Variants in PIEZO1 observed in about 807,000 individuals in gnomAD.
The protein encoded by PIEZO1 is piezo-type mechanosensitive ion channel component 1.
A neutral mutation model predicts 297.2 loss-of-function variants in PIEZO1; 296 were observed. The ratio of observed to expected loss-of-function variants is 1.00; its 90% confidence interval spans 0.91 to 1.10. The LOEUF is 1.10. PIEZO1 is among the 50% of genes least tolerant of loss of function. PIEZO1 has a pLI of 0.00. For synonymous variants in PIEZO1, 2,427 were observed against 1,507.5 expected (o/e 1.61, Z -14.13); for missense variants, 5,018 against 3,455.5 (o/e 1.45, Z -11.34).
chr16:88,725,686 T>G lies in PIEZO1; in HGVS notation c.3969-2A>C. On this transcript the variant is annotated splice_acceptor_variant, in intron 27 of 50. Transcript: ENST00000301015. LOFTEE classifies it high-confidence loss of function. Reference sequence around the variant, plus strand: ...GCAGCGTTGTAGAGGGCGAAGCCCCTGTAGGGAGGCGGGGATGGGGTGTGA... The same window carrying G: ...GCAGCGTTGTAGAGGGCGAAGCCCCGGTAGGGAGGCGGGGATGGGGTGTGA... The G allele has an allele frequency of 1.3e-6, 2 of 1,509,964 alleles. No homozygotes were observed. Among genetic ancestry groups the G allele is most frequent in the Non-Finnish European group, 1.8e-6 (2 of 1,110,360 alleles). The allele number at this position is 1,509,964 out of a possible 1,614,324, so 93.5% of individuals were successfully genotyped here. A position where few individuals can be genotyped will look rare whatever the true frequency, so the allele number is the denominator to read the frequency against.
At chr16:88,731,418 G>A (rs951702442) in intron 22 of PIEZO1, 5 of 450,944 alleles carry the variant, frequency 1.1e-5, no homozygotes, top group African/African-American at 2.0e-5. Flanking sequence ...AGGACGCAGT[G>A]CTCCTTGTGT....
At chr16:88,756,959 C>G (rs1021031050) in intron 1 of PIEZO1, among the ~76,000 whole-genome samples, 2 of 151,960 alleles carry the variant, frequency 1.3e-5, no homozygotes, top group Non-Finnish European at 2.9e-5. Flanking sequence ...ACCTGTAGTC[C>G]CAGCTACTTG....
In PIEZO1 at chr16:88,736,667, C is replaced by T. The variant is rs1036894620; in HGVS notation, c.1268G>A (p.Ser423Asn). The change falls in exon 11 of 51, where the codon AGC (serine) becomes AAC (asparagine). Residue 423 changes from serine to asparagine, a missense_variant. Physicochemically the swap from Ser to Asn is conservative, Grantham distance 46 (BLOSUM62 1). Coordinates refer to ENST00000301015, the MANE Select transcript of PIEZO1 (RefSeq NM_001142864.4). ...HSLGHLIMDQ[S>N]YVCALIAMMV... is the part of the protein sequence containing the mutation. ...CATGGCAATGAGCGCGCACACATAGCTCTGGTCCATGATGAGGTGGCCCAG... is the reference window on the plus strand; with the variant it reads ...CATGGCAATGAGCGCGCACACATAGTTCTGGTCCATGATGAGGTGGCCCAG... 4 of 1,533,118 alleles carry T rather than the reference C, an allele frequency of 2.6e-6. No homozygotes were observed. Among genetic ancestry groups the T allele is most frequent in the Non-Finnish European group, 3.5e-6 (4 of 1,145,960 alleles). 95.0% of individuals were successfully genotyped at this position (1,533,118 alleles called of 1,614,324 possible).
intron 2 of PIEZO1, among the ~76,000 whole-genome samples, chr16:88,748,079 C>T (rs978335789): frequency 2.6e-5 from 4 of 152,338 alleles, no homozygotes; most frequent in Admixed American, 2.6e-4. Context: ...CACAGTCACG[C>T]CCCCTGGTCC....
chr16:88,765,380 G>T (rs547772665), intron 1 of PIEZO1, among the ~76,000 whole-genome samples: 1 of 152,332 alleles, frequency 6.6e-6, no homozygotes, highest in African/African-American at 2.4e-5. Context: ...GAATCTCAGG[G>T]CAGGTGTCCA....
intron 1 of PIEZO1, among the ~76,000 whole-genome samples, chr16:88,753,820 C>T (rs1019073654): frequency 2.0e-5 from 3 of 152,240 alleles, no homozygotes; most frequent in African/African-American, 7.2e-5. Flanking sequence ...GAGGAGACGG[C>T]ATTGCTTTTG....
chr16:88,724,294 G>C (rs1904309758), intron 30 of PIEZO1, among the ~76,000 whole-genome samples: 1 of 152,268 alleles, frequency 6.6e-6, no homozygotes, highest in Non-Finnish European at 1.5e-5. Context: ...ACTGTGGGAG[G>C]CTGAGGCGGG....
At chr16:88,758,222 C>T (rs1363553671) in intron 1 of PIEZO1, among the ~76,000 whole-genome samples, 4 of 152,160 alleles carry the variant, frequency 2.6e-5, no homozygotes, top group Non-Finnish European at 4.4e-5. Flanking sequence ...AGCCCAAGTC[C>T]TTGTGCACCG....
At chr16:88,749,508 G>A (rs371640000) in intron 1 of PIEZO1, 29 bp from the exon 2 acceptor site, 77 of 1,483,222 alleles carry the variant, frequency 5.2e-5, no homozygotes, top group East Asian at 2.0e-4. Context: ...TAACTAGGTC[G>A]CCAACAGAGG....
rs1911905409 is a variant in PIEZO1 at position 88,715,366 on chromosome 16, ATT to A, written c.*237_*238del. 5.0e-6 allele frequency: 6 copies of A among 1,208,126 alleles called. No homozygotes were observed. Among genetic ancestry groups the A allele is most frequent in the South Asian group, 2.9e-5 (2 of 68,344 alleles). 74.8% of individuals were successfully genotyped at this position (1,208,126 alleles called of 1,614,324 possible). ...GATTGTCCATTTGTATAAATAAAAC[ATT>A]TTTTAATTAAAAAAAAAACTCTACA... On this transcript the variant is annotated 3_prime_UTR_variant, in exon 51 of 51. Transcript: ENST00000301015.
intron 1 of PIEZO1, among the ~76,000 whole-genome samples, chr16:88,757,005 G>A (rs996608355): frequency 1.2e-4 from 18 of 152,124 alleles, no homozygotes; most frequent in Non-Finnish European, 2.1e-4. Context: ...GAACCCAGGA[G>A]ATGGAGCTTG....
rs1308854369 is a variant in PIEZO1, at chr16:88,722,431, C to T, written c.4776-34G>A. On this transcript the variant is annotated intron_variant, in intron 35 of 50. Coordinates refer to ENST00000301015, the MANE Select transcript of PIEZO1 (RefSeq NM_001142864.4). ...GGAAGCCGAGTCACAGAGAATCCTG[C>T]TCTATGGCCTGACCCCAGGCTACAG... 8.1e-6 allele frequency: 12 copies of T among 1,474,776 alleles called. No individual in the cohort carries two copies. In the East Asian group the frequency reaches 2.2e-4, roughly 28 times the overall value. The allele number at this position is 1,474,776 out of a possible 1,614,324, so 91.4% of individuals were successfully genotyped here. A position where few individuals can be genotyped will look rare whatever the true frequency, so the allele number is the denominator to read the frequency against.
chr16:88,770,758 C>A (rs1303468692), intron 1 of PIEZO1, among the ~76,000 whole-genome samples: 1 of 152,252 alleles, frequency 6.6e-6, no homozygotes, highest in African/African-American at 2.4e-5. Context: ...TCCCACGGAG[C>A]AGTCAGGTCC....
chr16:88,737,648 T>C lies in PIEZO1; in HGVS notation c.1108-2A>G, dbSNP rs1442173708. 3 of 1,534,796 alleles carry C rather than the reference T, an allele frequency of 2.0e-6. No individual in the cohort carries two copies. Among genetic ancestry groups the C allele is most frequent in the Non-Finnish European group, 2.6e-6 (3 of 1,146,280 alleles). ...GTCGGGTGCTGTGGGCACCACGTGC[T>C]GTGGGCAAGCAGCGCTGAGCCATGC... On this transcript the variant is annotated splice_acceptor_variant, in intron 9 of 50. Coordinates refer to ENST00000301015, the MANE Select transcript of PIEZO1 (RefSeq NM_001142864.4). LOFTEE classifies it high-confidence loss of function.
chr16:88,783,758 G>C (rs1161750852), intron 1 of PIEZO1, among the ~76,000 whole-genome samples: 1 of 152,216 alleles, frequency 6.6e-6, no homozygotes, highest in Non-Finnish European at 1.5e-5. Flanking sequence ...ATTGATTCCT[G>C]TCTAGAAAAT....
intron 18 of PIEZO1, 28 bp from the exon 19 acceptor site, chr16:88,733,482 G>A: frequency 6.5e-7 from 1 of 1,539,492 alleles, no homozygotes; most frequent in East Asian, 2.5e-5. Context: ...GTGGGGCTGG[G>A]CTTGGGGAGG....
In PIEZO1 at chr16:88,715,549, G is replaced by C; in HGVS notation, c.*56C>G. Reference sequence around the variant, plus strand: ...CCCGGCCTGAGGAGTGCCGCCCCTTGTGGCCACGCTGCCCAGCAGGCCGGC... The same window carrying C: ...CCCGGCCTGAGGAGTGCCGCCCCTTCTGGCCACGCTGCCCAGCAGGCCGGC... On this transcript the variant is annotated 3_prime_UTR_variant, in exon 51 of 51. Transcript: ENST00000301015. 2.0e-6 allele frequency: 3 copies of C among 1,506,338 alleles called. No individual in the cohort carries two copies. The highest frequency in any genetic ancestry group is 2.7e-6 in the Non-Finnish European group (3 of 1,118,394). 93.3% of individuals were successfully genotyped at this position (1,506,338 alleles called of 1,614,324 possible). A position where few individuals can be genotyped will look rare whatever the true frequency, so the allele number is the denominator to read the frequency against.
At chr16:88,782,039 G>A (rs1907960611) in intron 1 of PIEZO1, among the ~76,000 whole-genome samples, 1 of 152,246 alleles carries the variant, frequency 6.6e-6, no homozygotes, top group African/African-American at 2.4e-5. Context: ...GCTTTCCGCA[G>A]CCCTGTCTAG....
chr16:88,745,073 C>T (rs1905959118), intron 2 of PIEZO1: 1 of 150,210 alleles, frequency 6.7e-6, no homozygotes, highest in South Asian at 2.1e-4. Context: ...CCCACCCCGT[C>T]ACTCTCCCCC....
Sources: allele counts gnomAD v4.1 joint callset (sites outside exome capture counted in the v4.1 genomes callset), GRCh38; gene constraint gnomAD v4.1.1; transcripts MANE v1.5; gene names NCBI Gene and HGNC (gene_info 2026-07-23, HGNC 2026-07-21).